ARL8B: variants seen among roughly 807,000 people sequenced by gnomAD.
ARL8B encodes the protein ADP-ribosylation factor-like protein 8B.
A neutral mutation model predicts 30.6 loss-of-function variants in ARL8B; 9 were observed. The ratio of observed to expected loss-of-function variants is 0.29; its 90% CI spans 0.18 to 0.51. The LOEUF is 0.51. Ranked by LOEUF, ARL8B falls within the 20% of genes least tolerant of loss-of-function variation. The pLI, the probability that ARL8B is intolerant of heterozygous loss-of-function variation, is 0.97. For missense variants in ARL8B, 130 were observed against 227.2 expected (o/e 0.57, Z 2.75); for synonymous variants, 74 against 76.0 (o/e 0.97, Z 0.14).
chr3:5,128,560 A>AT (rs528912503), intron 1 of ARL8B: 12 of 388,246 alleles, frequency 3.1e-5, no homozygotes, highest in African/African-American at 2.6e-4. Flanking sequence ...AAGTTAATGG[A>AT]TTTTTTAAGT....
intron 1 of ARL8B, among the ~76,000 whole-genome samples, chr3:5,151,538 GT>G (rs1165114202): frequency 6.6e-6 from 1 of 152,124 alleles, no homozygotes; most frequent in East Asian, 1.9e-4. Context: ...AGTTCAACAT[GT>G]TTTTATTTTC....
At chr3:5,164,059 C>T (rs2054603911) in intron 1 of ARL8B, among the ~76,000 whole-genome samples, 2 of 152,160 alleles carry the variant, frequency 1.3e-5, no homozygotes, top group Admixed American at 1.3e-4. Flanking sequence ...ATTCAAGTCC[C>T]GCAGTCGGCC....
At chr3:5,149,279 A>G (rs755332576) in intron 1 of ARL8B, among the ~76,000 whole-genome samples, 7 of 152,198 alleles carry the variant, frequency 4.6e-5, no homozygotes, top group African/African-American at 7.2e-5. Flanking sequence ...GGGTTTGTCT[A>G]TGGCCTCTGC....
Position 5,179,381 on chromosome 3 carries a change from C to CT in ARL8B, c.*669dup, listed in dbSNP as rs2054757999. ...AAAGATATCCTGCTTTCTGAGAACTCTATCACCAGATGGCAGTTGGGATAT... is the reference window on the plus strand; with the variant it reads ...AAAGATATCCTGCTTTCTGAGAACTCTTATCACCAGATGGCAGTTGGGATAT... On this transcript the variant is annotated 3_prime_UTR_variant, in exon 7 of 7. Coordinates refer to ENST00000256496, the MANE Select transcript of ARL8B (RefSeq NM_018184.3). The CT allele has an allele frequency of 1.3e-5, 2 of 152,200 alleles. No individual in the cohort carries two copies. Among genetic ancestry groups the CT allele is most frequent in the African/African-American group, 2.4e-5 (1 of 41,446 alleles). 9.4% of individuals were successfully genotyped at this position (152,200 alleles called of 1,614,324 possible).
chr3:5,126,932 AATAAT>A (rs1466806648), intron 1 of ARL8B, among the ~76,000 whole-genome samples: 1 of 152,220 alleles, frequency 6.6e-6, no homozygotes, highest in Non-Finnish European at 1.5e-5. Context: ...GATTTGCCAA[AATAAT>A]ATAGGATAAA....
intron 1 of ARL8B, among the ~76,000 whole-genome samples, chr3:5,148,358 G>A (rs2054448497): frequency 1.3e-5 from 2 of 152,088 alleles, no homozygotes; most frequent in South Asian, 4.2e-4. Flanking sequence ...GAAGGGATAG[G>A]GAAGTTCTCA....
intron 1 of ARL8B, among the ~76,000 whole-genome samples, chr3:5,155,843 G>GTT (rs368692409): frequency 7.8e-6 from 1 of 128,476 alleles, no homozygotes; most frequent in African/African-American, 3.4e-5. Context: ...TTTTCTCAGT[G>GTT]TTTTTTTTTT....
intron 1 of ARL8B, among the ~76,000 whole-genome samples, chr3:5,151,917 G>A (rs1234581747): frequency 6.6e-5 from 10 of 152,086 alleles, no homozygotes; most frequent in Non-Finnish European, 1.2e-4. Flanking sequence ...TGTAGAGACC[G>A]AGTCTTGCCA....
chr3:5,142,182 CA>C (rs1053168068), intron 1 of ARL8B, among the ~76,000 whole-genome samples: 1 of 152,086 alleles, frequency 6.6e-6, no homozygotes, highest in African/African-American at 2.4e-5. Flanking sequence ...CCCATAGTAC[CA>C]CCAGACGTTA....
chr3:5,166,563 C>T (rs958456101), intron 1 of ARL8B, among the ~76,000 whole-genome samples: 8 of 149,838 alleles, frequency 5.3e-5, no homozygotes, highest in Non-Finnish European at 1.5e-5. Flanking sequence ...GTCTTGAACT[C>T]CTGAGCTCAG....
In ARL8B at chr3:5,178,862, A is replaced by C; in HGVS notation, c.*149A>C. The C allele has an allele frequency of 9.7e-6, 13 of 1,341,442 alleles. No homozygotes were observed. The highest frequency in any genetic ancestry group is 1.3e-5 in the Non-Finnish European group (13 of 1,002,474). 83.1% of individuals were successfully genotyped at this position (1,341,442 alleles called of 1,614,324 possible). A position where few individuals can be genotyped will look rare whatever the true frequency, so the allele number is the denominator to read the frequency against. ...TTTCTCATGTGCACTGCTGAAGATG[A>C]ATATCCCTAATCCTTCATAAAGAAT... On this transcript the variant is annotated 3_prime_UTR_variant, in exon 7 of 7. Coordinates refer to ENST00000256496, the MANE Select transcript of ARL8B (RefSeq NM_018184.3).
chr3:5,124,907 T>A (rs78063752), intron 1 of ARL8B, among the ~76,000 whole-genome samples: 3,607 of 152,312 alleles, frequency 0.024, 133 homozygotes, highest in African/African-American at 0.082. Flanking sequence ...GAATTAATGT[T>A]TCATGTGGAT....
At chr3:5,150,216 A>G (rs1363595252) in intron 1 of ARL8B, among the ~76,000 whole-genome samples, 1 of 152,168 alleles carries the variant, frequency 6.6e-6, no homozygotes, top group East Asian at 1.9e-4. Flanking sequence ...TAATCCCAGC[A>G]CTTCGGGAGG....
At chr3:5,145,938 G>C (rs1453258728) in intron 1 of ARL8B, among the ~76,000 whole-genome samples, 2 of 152,018 alleles carry the variant, frequency 1.3e-5, no homozygotes, top group Non-Finnish European at 2.9e-5. Context: ...TTAGAGACTT[G>C]CAATCCCCTC....
chr3:5,176,367 A>G (rs913528659), intron 6 of ARL8B, among the ~76,000 whole-genome samples: 1 of 152,102 alleles, frequency 6.6e-6, no homozygotes, highest in Non-Finnish European at 1.5e-5. Context: ...AGTAGCTGGG[A>G]TTACAGTTGC....
intron 1 of ARL8B, among the ~76,000 whole-genome samples, chr3:5,150,559 G>T (rs1429449542): frequency 6.6e-6 from 1 of 152,046 alleles, no homozygotes; most frequent in East Asian, 1.9e-4. Context: ...AAGGTGGGCA[G>T]ATCACTTGAG....
At position 5,122,579 on chromosome 3, in the gene ARL8B, T is replaced by C. The variant is rs760456879; in HGVS notation, c.114T>C (p.Asn38=). 2.5e-6 allele frequency: 4 copies of C among 1,602,234 alleles called. No homozygotes were observed. Among genetic ancestry groups the C allele is most frequent in the Non-Finnish European group, 3.4e-6 (4 of 1,172,466 alleles). Residue 38 remains asparagine (N), a synonymous_variant, in exon 1 of 7, where the codon AAT becomes AAC. Transcript: ENST00000256496. ...ACTCGGGCAAGACCACCTTCGTCAA[T>C]GTCATCGCGGTGAGCGCCCGCCCAC... ...LQYSGKTTFV[N]VIASGQFSED...
At chr3:5,150,708 G>A (rs990570112) in intron 1 of ARL8B, among the ~76,000 whole-genome samples, 3 of 151,892 alleles carry the variant, frequency 2.0e-5, no homozygotes, top group Non-Finnish European at 2.9e-5. Context: ...ACTTGAACCC[G>A]GGAGGGGAAG....
At chr3:5,125,854 C>T (rs903004237) in intron 1 of ARL8B, among the ~76,000 whole-genome samples, 1 of 151,964 alleles carries the variant, frequency 6.6e-6, no homozygotes, top group Non-Finnish European at 1.5e-5. Flanking sequence ...TTAGACTATT[C>T]TTTTTAAAAT....
Sources: allele counts gnomAD v4.1 joint callset (sites outside exome capture counted in the v4.1 genomes callset), GRCh38; gene constraint gnomAD v4.1.1; transcripts MANE v1.5; gene names NCBI Gene and HGNC (gene_info 2026-07-23, HGNC 2026-07-21).